Variants in SIRPB1 observed in about 807,000 individuals in gnomAD.
The protein encoded by SIRPB1 is signal regulatory protein beta 1.
Under a neutral mutation model 34.1 loss-of-function variants are expected in SIRPB1, and 28 were observed. The observed-to-expected ratio is 0.82, with a 90% CI of 0.61 to 1.12. The LOEUF (loss-of-function observed/expected upper bound fraction) is 1.12, where lower values mean the gene tolerates loss of function less well. Among genes scored for constraint, SIRPB1 ranks in the 50% most tolerant of loss-of-function variants. SIRPB1 has a pLI of 0.00. For synonymous variants in SIRPB1, 211 were observed against 203.8 expected (o/e 1.04, Z -0.30); for missense variants, 499 against 507.0 (o/e 0.98, Z 0.15).
chr20:1,619,652 T>C (rs541871299), intron 1 of SIRPB1, among the ~76,000 whole-genome samples: 1 of 152,318 alleles, frequency 6.6e-6, no homozygotes, highest in African/African-American at 2.4e-5. Context: ...GTAATTGTTG[T>C]TGTGGTGGTT....
At position 1,592,820 on chromosome 20, in the gene SIRPB1, T is replaced by C. The variant is rs1452387085; in HGVS notation, c.77-14126A>G. Among the ~76,000 whole-genome samples, 2 of 49,596 alleles carry C rather than the reference T, an allele frequency of 4.0e-5. 1 individual carries two copies. Among genetic ancestry groups the C allele is most frequent in the Non-Finnish European group, 7.8e-5 (2 of 25,648 alleles). The allele number at this position is 49,596 out of a possible 152,430, so 32.5% of individuals were successfully genotyped here. A position where few individuals can be genotyped will look rare whatever the true frequency, so the allele number is the denominator to read the frequency against. The stretch of plus-strand genomic sequence containing the variant: ...AAACGTCCAAATTTATTTAATGGTA[T>C]ACAGAGGTATGCACAAGGTCATGTA... On this transcript the variant is annotated intron_variant, in intron 1 of 5. Transcript: ENST00000381605.
intron 3 of SIRPB1, 100 bp from the exon 4 acceptor site, chr20:1,571,237 A>T: frequency 8.1e-7 from 1 of 1,236,466 alleles, no homozygotes; most frequent in Non-Finnish European, 1.1e-6. Flanking sequence ...GGGCATCACC[A>T]GGACAGTGCT....
In SIRPB1 at chr20:1,571,020, C is replaced by T; in HGVS notation, c.869G>A (p.Gly290Glu). 1 of 1,614,194 alleles carries T rather than the reference C, an allele frequency of 6.2e-7. No homozygotes were observed. Among genetic ancestry groups the T allele is most frequent in the African/African-American group, 1.3e-5 (1 of 75,048 alleles). The change falls in exon 4 of 6, where the codon GGA (glycine) becomes GAA (glutamate). Residue 290 changes from glycine (G) to glutamate (E), a missense_variant. Gly to Glu is a moderately conservative substitution (Grantham distance 98, BLOSUM62 -2). Transcript: ENST00000381605. Reference sequence around the variant, plus strand: ...AGCTGTTTCTGTCCGGGACACATTTCCATTCTCCAACCAGGTCAGCTGTAG... The same window carrying T: ...AGCTGTTTCTGTCCGGGACACATTTTCATTCTCCAACCAGGTCAGCTGTAG... ...RGLQLTWLENGNVSRTETAST... is the reference protein window; with the variant it reads ...RGLQLTWLENENVSRTETAST...
Position 1,619,540 on chromosome 20 carries a change from G to A in SIRPB1, c.76+329C>T, listed in dbSNP as rs146723135. 9.0e-4 allele frequency among the ~76,000 whole-genome samples: 137 copies of A among 152,350 alleles called. 1 individual carries two copies. The Middle Eastern group carries it at 0.01, about 11-fold the overall frequency. ...GTTAGGGTGTCTCTGAGCTTACTCT[G>A]TGGACTTGGGCATGTCACTTGGCCC... On this transcript the variant is annotated intron_variant, in intron 1 of 5. Coordinates refer to ENST00000381605, the MANE Select transcript of SIRPB1 (RefSeq NM_006065.5).
chr20:1,570,970 C>T lies in SIRPB1; in HGVS notation c.919G>A (p.Gly307Ser), dbSNP rs374159183. The T allele has an allele frequency of 6.8e-6, 11 of 1,614,162 alleles. No homozygotes were observed. Among genetic ancestry groups the T allele is most frequent in the East Asian group, 6.7e-5 (3 of 44,874 alleles). The change falls in exon 4 of 6, where the codon GGC becomes AGC. Residue 307 changes from glycine (G) to serine (S), a missense_variant. Physicochemically the swap from Gly to Ser is moderately conservative, Grantham distance 56. Transcript: ENST00000381605. ...TASTLIENKD[G>S]TYNWMSWLLV... ...AGCCAGCTCATCCAGTTGTAGGTGC[C>T]ATCCTTGTTCTCTATGAGGGTCGAA...
chr20:1,576,649 G>A (rs1392508743), intron 2 of SIRPB1, among the ~76,000 whole-genome samples: 1 of 148,540 alleles, frequency 6.7e-6, no homozygotes, highest in Admixed American at 6.7e-5. Flanking sequence ...GCTCACGCCT[G>A]TAATCCCAGC....
chr20:1,618,835 A>G (rs1440330959), intron 1 of SIRPB1, among the ~76,000 whole-genome samples: 2 of 152,224 alleles, frequency 1.3e-5, no homozygotes, highest in Non-Finnish European at 2.9e-5. Context: ...GAAATTATCC[A>G]TGGGAAATTT....
chr20:1,582,507 C>T lies in SIRPB1; in HGVS notation c.77-3813G>A, dbSNP rs1568694503. ...ATTATTACTACTTGGTTTGTTGATGCAACAATCCTCAACCAAATACTAGCA... is the reference window on the plus strand; with the variant it reads ...ATTATTACTACTTGGTTTGTTGATGTAACAATCCTCAACCAAATACTAGCA... On this transcript the variant is annotated intron_variant, in intron 1 of 5. Coordinates refer to ENST00000381605, the MANE Select transcript of SIRPB1 (RefSeq NM_006065.5). Among the ~76,000 whole-genome samples the T allele has an allele frequency of 4.0e-5, 2 of 49,402 alleles. 1 individual carries two copies. Among genetic ancestry groups the T allele is most frequent in the Non-Finnish European group, 7.8e-5 (2 of 25,622 alleles). 32.4% of individuals were successfully genotyped at this position (49,402 alleles called of 152,430 possible).
At chr20:1,588,476 G>T in intron 1 of SIRPB1, 1 of 424,428 alleles carries the variant, frequency 2.4e-6, no homozygotes, top group Non-Finnish European at 3.3e-6. Context: ...AGCACTTGTG[G>T]TTGTCTGGAA....
chr20:1,572,146 A>G (rs537515631), intron 2 of SIRPB1, 109 bp from the exon 3 acceptor site: 1 of 1,533,380 alleles, frequency 6.5e-7, no homozygotes, highest in East Asian at 2.3e-5. Context: ...TAATCTTTCT[A>G]ATAATGTCGT....
rs1265053702 is a variant in SIRPB1 at position 1,571,147 on chromosome 20, C to T, written c.752-10G>A. ...TCCAAGGTGGGTGGAACTGAAACAG[C>T]ACAGGGCAGAAGCTCTGATCTTGTG... On this transcript the variant is annotated splice_polypyrimidine_tract_variant and intron_variant, in intron 3 of 5. Coordinates refer to ENST00000381605, the MANE Select transcript of SIRPB1 (RefSeq NM_006065.5). The T allele has an allele frequency of 1.2e-6, 2 of 1,609,042 alleles. No homozygotes were observed. Among genetic ancestry groups the T allele is most frequent in the Non-Finnish European group, 1.7e-6 (2 of 1,176,764 alleles).
chr20:1,570,312 C>T (rs1373315739), intron 4 of SIRPB1, among the ~76,000 whole-genome samples: 1 of 152,184 alleles, frequency 6.6e-6, no homozygotes, highest in Non-Finnish European at 1.5e-5. Flanking sequence ...GGGGTCTGTC[C>T]AGGCTTAAAC....
chr20:1,567,166 C>CTGGAGTGT (rs1248391464), intron 4 of SIRPB1, among the ~76,000 whole-genome samples: 1 of 152,146 alleles, frequency 6.6e-6, no homozygotes, highest in African/African-American at 2.4e-5. Context: ...TCTATAGCCG[C>CTGGAGTGT]TGGAGTGTTG....
At chr20:1,567,125 G>T (rs903534004) in intron 4 of SIRPB1, among the ~76,000 whole-genome samples, 8 of 152,128 alleles carry the variant, frequency 5.3e-5, no homozygotes, top group Non-Finnish European at 1.0e-4. Context: ...GGTGCTGGTG[G>T]GTCCTTAAGG....
At chr20:1,615,962 C>T (rs374889201) in intron 1 of SIRPB1, among the ~76,000 whole-genome samples, 16 of 151,962 alleles carry the variant, frequency 1.1e-4, no homozygotes, top group Non-Finnish European at 1.9e-4. Flanking sequence ...GTAAGGTAAT[C>T]GCATTTACAA....
rs572512524 is a variant in SIRPB1 at position 1,568,994 on chromosome 20, A to C, written c.1084+1811T>G. On this transcript the variant is annotated intron_variant, in intron 4 of 5. Transcript: ENST00000381605. ...TGACACATTTTTAGTATCAGGATGA[A>C]ACGTGGGATACCATTGCAGACCCTG... Among the ~76,000 whole-genome samples the C allele has an allele frequency of 6.0e-4, 92 of 152,348 alleles. 1 individual carries two copies. The highest frequency in any genetic ancestry group is 2.1e-3 in the African/African-American group (86 of 41,590).
chr20:1,567,365 T>C (rs1309809402), intron 4 of SIRPB1, among the ~76,000 whole-genome samples: 1 of 152,220 alleles, frequency 6.6e-6, no homozygotes, highest in African/African-American at 2.4e-5. Context: ...TCCGGCCTTT[T>C]GCCTCTCTGC....
intron 1 of SIRPB1, 25 bp downstream of exon 1, chr20:1,619,844 G>C: frequency 6.4e-7 from 1 of 1,564,022 alleles, no homozygotes; most frequent in Non-Finnish European, 8.8e-7. Context: ...CAGGAAAAAA[G>C]ATTTTAACCG....
At chr20:1,578,902 G>A (rs2091361640) in intron 1 of SIRPB1, among the ~76,000 whole-genome samples, 1 of 148,148 alleles carries the variant, frequency 6.8e-6, no homozygotes, top group African/African-American at 2.5e-5. Flanking sequence ...GCACAGAGAG[G>A]TTCAATTTCC....
Sources: allele counts gnomAD v4.1 joint callset (sites outside exome capture counted in the v4.1 genomes callset), GRCh38; gene constraint gnomAD v4.1.1; transcripts MANE v1.5; gene names NCBI Gene and HGNC (gene_info 2026-07-23, HGNC 2026-07-21).